The following KIF13A variants were observed in gnomAD, a reference collection of about 807,000 sequenced individuals.
The protein encoded by KIF13A is kinesin family member 13A.
KIF13A carries 79 observed loss-of-function variants against 212.2 expected under a neutral mutation model. That is an observed-to-expected ratio of 0.37 (90% CI 0.31 to 0.45). The LOEUF (loss-of-function observed/expected upper bound fraction) is 0.45, where lower values mean the gene tolerates loss of function less well. Ranked by LOEUF, KIF13A falls within the 20% of genes least tolerant of loss-of-function variation. The probability of loss-of-function intolerance (pLI) is 1.00; values close to 1 mark genes in which losing one functional copy is unlikely to be tolerated. For missense variants in KIF13A, 1,901 were observed against 2,209.0 expected, an observed-to-expected ratio of 0.86 and a Z score of 2.79; for synonymous variants, 789 against 808.6, an observed-to-expected ratio of 0.98 and a Z score of 0.41.
chr6:17,907,190 C>A (rs1441490928), intron 2 of KIF13A, among the ~76,000 whole-genome samples: 5 of 152,146 alleles, frequency 3.3e-5, no homozygotes. Context: ...TCATTATTAT[C>A]ATTTTTCAAA....
intron 2 of KIF13A, among the ~76,000 whole-genome samples, chr6:17,910,902 A>G (rs1773997285): frequency 6.6e-6 from 1 of 152,164 alleles, no homozygotes; most frequent in Admixed American, 6.5e-5. Flanking sequence ...AGCTGGGACT[A>G]CAGGCACCTG....
chr6:17,856,076 T>G lies in KIF13A; in HGVS notation c.267A>C (p.Lys89Asn). ...TACACGCATTATACCCCTGAAAGGC[T>G]TTTTCAAGAATTCCTTCCCCAAGGC... is the stretch of plus-strand genomic sequence containing the variant. ...FKCLGEGILE[K>N]AFQGYNACIF... Residue 89 changes from lysine to asparagine, a missense_variant, in exon 5 of 39, where the codon AAA becomes AAC. Physicochemically the swap from Lys to Asn is moderately conservative, Grantham distance 94. Coordinates refer to ENST00000259711, the MANE Select transcript of KIF13A (RefSeq NM_022113.6). This position sits in a 1 kb window ranked among gnomAD's most constrained non-coding sequence, Gnocchi z 4.5. 4.3e-6 allele frequency: 7 copies of G among 1,613,516 alleles called. No homozygotes were observed. Among genetic ancestry groups the G allele is most frequent in the Non-Finnish European group, 5.9e-6 (7 of 1,179,582 alleles).
chr6:17,946,443 C>CAA (rs368432672), intron 2 of KIF13A, among the ~76,000 whole-genome samples: 85 of 128,574 alleles, frequency 6.6e-4, no homozygotes, highest in African/African-American at 2.3e-3. Context: ...TTTAAAAGGC[C>CAA]AAAAAAAAAA....
intron 2 of KIF13A, among the ~76,000 whole-genome samples, chr6:17,945,289 T>C (rs1337706319): frequency 2.0e-5 from 3 of 152,106 alleles, no homozygotes; most frequent in Non-Finnish European, 2.9e-5. Flanking sequence ...ATTCCATTTA[T>C]GTAAGGTGCC....
At position 17,947,583 on chromosome 6, in the gene KIF13A, C is replaced by T. The variant is rs978091359; in HGVS notation, c.146+39471G>A. 1.3e-5 allele frequency among the ~76,000 whole-genome samples: 2 copies of T among 152,132 alleles called. No individual in the cohort carries two copies. Among genetic ancestry groups the T allele is most frequent in the Non-Finnish European group, 2.9e-5 (2 of 68,030 alleles). On this transcript the variant is annotated intron_variant, in intron 2 of 38. Coordinates refer to ENST00000259711, the MANE Select transcript of KIF13A (RefSeq NM_022113.6). The surrounding 1 kb of genome is among the most constrained non-coding windows in gnomAD (Gnocchi z 4.6). ...GTAGCTCACGCCTGTAATCCCAGCA[C>T]TTTGGGAGGCCGAGGTGGGTGGATC...
intron 16 of KIF13A, chr6:17,822,031 G>T: frequency 2.3e-6 from 2 of 887,442 alleles, no homozygotes; most frequent in Non-Finnish European, 1.6e-6. Context: ...GGGGTAGGGG[G>T]AAACATAACT....
chr6:17,981,881 T>C (rs1781120210), intron 2 of KIF13A, among the ~76,000 whole-genome samples: 1 of 152,164 alleles, frequency 6.6e-6, no homozygotes, highest in African/African-American at 2.4e-5. Context: ...TGTATGACTT[T>C]CACTAATATT....
chr6:17,794,650 A>G lies in KIF13A; in HGVS notation c.2997T>C (p.Asn999=), dbSNP rs368787152. The G allele has an allele frequency of 4.5e-5, 73 of 1,612,920 alleles. No homozygotes were observed. The African/African-American group carries it at 9.5e-4, about 21-fold the overall frequency. ...CCACTGCAGCATACTCTCCTAACTC[A>G]TTCAATTCTAATATGGAGATCCACA... ...IEMWISILEL[N]ELGEYAAVEL... is the part of the protein sequence containing the mutation. Residue 999 remains asparagine, a synonymous_variant, in exon 24 of 39, where the codon AAT becomes AAC. Transcript: ENST00000259711. This position sits in a 1 kb window ranked among gnomAD's most constrained non-coding sequence, Gnocchi z 4.1.
chr6:17,975,588 A>G (rs1482164750), intron 2 of KIF13A, among the ~76,000 whole-genome samples: 2 of 152,212 alleles, frequency 1.3e-5, no homozygotes, highest in Non-Finnish European at 2.9e-5. Context: ...CGAACAAGTT[A>G]CTGCCGCTAG....
chr6:17,764,565 C>A lies in KIF13A; in HGVS notation c.4963G>T (p.Val1655Phe). 6.2e-7 allele frequency: 1 copy of A among 1,613,926 alleles called. No homozygotes were observed. ...TTGTCCTTTACCAAGCCTTTTTCGACTTCTGTCAACTCTTTGTTTGAGGAC... is the reference window on the plus strand; with the variant it reads ...TTGTCCTTTACCAAGCCTTTTTCGAATTCTGTCAACTCTTTGTTTGAGGAC... ...RPSSNKELTE[V>F]EKGLVKDKII... is the part of the protein sequence containing the mutation. Residue 1655 changes from valine to phenylalanine, a missense_variant, in exon 39 of 39, where the codon GTC becomes TTC. By Grantham distance (50) the Val-to-Phe change is conservative (BLOSUM62 -1). This residue lies in a region of KIF13A where 687 missense variants were observed against 759.1 expected (regional missense o/e 0.90). Coordinates refer to ENST00000259711, the MANE Select transcript of KIF13A (RefSeq NM_022113.6). The surrounding 1 kb of genome is among the most constrained non-coding windows in gnomAD (Gnocchi z 5.1).
chr6:17,858,663 G>C (rs12215837), intron 4 of KIF13A, among the ~76,000 whole-genome samples: 27,957 of 152,080 alleles, frequency 0.18, 2,871 homozygotes, highest in South Asian at 0.31. Context: ...CTGTGCCCAG[G>C]CTTATTAGGA....
rs779508654 is a variant in KIF13A at position 17,837,556 on chromosome 6, T to C, written c.858A>G (p.Ile286Met). The change falls in exon 10 of 39, where the codon ATA becomes ATG. Residue 286 changes from isoleucine (I) to methionine (M), a missense_variant. Transcript: ENST00000259711. The surrounding 1 kb of genome is among the most constrained non-coding windows in gnomAD (Gnocchi z 5.4). Reference protein sequence around the residue: ...NKSLTTLGLVISSLADQAAGK... With the variant: ...NKSLTTLGLVMSSLADQAAGK... Reference sequence around the variant, plus strand: ...CAGCTGCCTGGTCAGCCAGTGATGATATAACCAACCCCAAGGTTGTAAGCG... The same window carrying C: ...CAGCTGCCTGGTCAGCCAGTGATGACATAACCAACCCCAAGGTTGTAAGCG... 1 of 1,608,444 alleles carries C rather than the reference T, an allele frequency of 6.2e-7. No individual in the cohort carries two copies. The highest frequency in any genetic ancestry group is 1.1e-5 in the South Asian group (1 of 89,754).
chr6:17,927,175 AT>A (rs1267214221), intron 2 of KIF13A, among the ~76,000 whole-genome samples: 3 of 152,100 alleles, frequency 2.0e-5, no homozygotes, highest in Non-Finnish European at 4.4e-5. Context: ...ACTTAAACAG[AT>A]AAAAAGTGAA....
rs1487317981 is a variant in KIF13A at position 17,771,414 on chromosome 6, A to G, written c.4477-196T>C. Reference sequence around the variant, plus strand: ...ATAAACAGATTCTGTGGCAAAAAGCATAATTAGTCTTATTTAAAAAACAGC... The same window carrying G: ...ATAAACAGATTCTGTGGCAAAAAGCGTAATTAGTCTTATTTAAAAAACAGC... On this transcript the variant is annotated intron_variant, in intron 37 of 38. Coordinates refer to ENST00000259711, the MANE Select transcript of KIF13A (RefSeq NM_022113.6). The surrounding 1 kb of genome is among the most constrained non-coding windows in gnomAD (Gnocchi z 5.4). 6 of 559,528 alleles carry G rather than the reference A, an allele frequency of 1.1e-5. No homozygotes were observed. The highest frequency in any genetic ancestry group is 2.2e-5 in the South Asian group (1 of 44,872). 34.7% of individuals were successfully genotyped at this position (559,528 alleles called of 1,614,324 possible).
chr6:17,842,029 G>GTGTT (rs1380764448), intron 9 of KIF13A, among the ~76,000 whole-genome samples: 1 of 138,208 alleles, frequency 7.2e-6, no homozygotes, highest in African/African-American at 2.6e-5. Context: ...GTGTGTGTGT[G>GTGTT]TGTGTATACA....
rs1771762568 is a variant in KIF13A, at chr6:17,888,611, G to A, written c.159+9557C>T. Among the ~76,000 whole-genome samples, 1 of 152,208 alleles carries A rather than the reference G, an allele frequency of 6.6e-6. No individual in the cohort carries two copies. Among genetic ancestry groups the A allele is most frequent in the Admixed American group, 6.5e-5 (1 of 15,290 alleles). On this transcript the variant is annotated intron_variant, in intron 3 of 38. Coordinates refer to ENST00000259711, the MANE Select transcript of KIF13A (RefSeq NM_022113.6). The surrounding 1 kb of genome is among the most constrained non-coding windows in gnomAD (Gnocchi z 4.8). ...GGCCAAAGCGGGCAGATCACTTGAG[G>A]CCGGGAGTTCGAGACCAGCTTGGCC...
Position 17,987,180 on chromosome 6 carries a change from G to C in KIF13A, c.56-36C>G, listed in dbSNP as rs751332701. On this transcript the variant is annotated intron_variant, in intron 1 of 38. Coordinates refer to ENST00000259711, the MANE Select transcript of KIF13A (RefSeq NM_022113.6). This position sits in a 1 kb window ranked among gnomAD's most constrained non-coding sequence, Gnocchi z 7.7. Reference sequence around the variant, plus strand: ...AGAGAAAGGGACGTTGCAAAGTCCAGCATCCGCGCCTCCAGCCCGCCCGCC... The same window carrying C: ...AGAGAAAGGGACGTTGCAAAGTCCACCATCCGCGCCTCCAGCCCGCCCGCC... 8.1e-5 allele frequency: 123 copies of C among 1,515,258 alleles called. 1 individual carries two copies. The Admixed American group carries it at 2.1e-3, about 26-fold the overall frequency. 93.9% of individuals were successfully genotyped at this position (1,515,258 alleles called of 1,614,324 possible). A position where few individuals can be genotyped will look rare whatever the true frequency, so the allele number is the denominator to read the frequency against.
Position 17,794,521 on chromosome 6 carries a change from G to T in KIF13A, c.3075+51C>A. On this transcript the variant is annotated intron_variant, in intron 24 of 38. Transcript: ENST00000259711. The surrounding 1 kb of genome is among the most constrained non-coding windows in gnomAD (Gnocchi z 4.1). ...GAAAATCCCCAGAAACAATGTGTAAGAGTGGAACAGAGAGAAAACATTAAA... is the reference window on the plus strand; with the variant it reads ...GAAAATCCCCAGAAACAATGTGTAATAGTGGAACAGAGAGAAAACATTAAA... 6.3e-7 allele frequency: 1 copy of T among 1,575,914 alleles called. No homozygotes were observed. The highest frequency in any genetic ancestry group is 1.2e-5 in the South Asian group (1 of 84,522).
chr6:17,986,757 C>T (rs1781589526), intron 2 of KIF13A, among the ~76,000 whole-genome samples: 1 of 152,234 alleles, frequency 6.6e-6, no homozygotes, highest in South Asian at 2.1e-4. Flanking sequence ...GGCCGCTGGA[C>T]GAATCACCTA....
Sources: gnomAD v4.1 joint callset for allele counts (sites outside exome capture counted in the v4.1 genomes callset) on GRCh38, gnomAD v4.1.1 for gene constraint, gnomAD v4.1.1 regional missense constraint, Gnocchi (gnomAD v3.1) non-coding constraint, MANE v1.5 for transcripts, NCBI Gene and HGNC (gene_info 2026-07-23, HGNC 2026-07-21) for gene names.